SYNJ2: variants seen among roughly 807,000 people sequenced by gnomAD.
SYNJ2 encodes synaptojanin 2.
A neutral mutation model predicts 141.3 loss-of-function variants in SYNJ2; 116 were observed. That is an observed-to-expected ratio of 0.82 (90% CI 0.71 to 0.96). SYNJ2 has a LOEUF of 0.96. Ranked by LOEUF, SYNJ2 falls within the 40% of genes least tolerant of loss-of-function variation. SYNJ2 has a pLI of 0.00. For synonymous variants in SYNJ2, 745 were observed against 777.7 expected, an observed-to-expected ratio of 0.96 and a Z score of 0.70; for missense variants, 1,873 against 1,934.8, an observed-to-expected ratio of 0.97 and a Z score of 0.60.
At chr6:158,026,144 T>C (rs531077140) in intron 2 of SYNJ2, among the ~76,000 whole-genome samples, 2 of 152,310 alleles carry the variant, frequency 1.3e-5, no homozygotes, top group South Asian at 4.1e-4. Flanking sequence ...GTGATTCAGC[T>C]TCCCTGGGGG....
intron 2 of SYNJ2, among the ~76,000 whole-genome samples, chr6:158,021,255 A>T (rs964213744): frequency 3.3e-5 from 5 of 152,188 alleles, no homozygotes; most frequent in Non-Finnish European, 7.4e-5. Flanking sequence ...CGACAGCCCT[A>T]TAAATTCTCT....
chr6:157,984,074 G>C (rs182129704), intron 1 of SYNJ2, among the ~76,000 whole-genome samples: 48 of 152,272 alleles, frequency 3.2e-4, no homozygotes, highest in African/African-American at 1.2e-3. Context: ...GGGCTCAGGT[G>C]ATCTTTCCGC....
intron 6 of SYNJ2, 41 bp from the exon 7 acceptor site, chr6:158,059,216 T>A (rs1248039593): frequency 6.6e-7 from 1 of 1,509,798 alleles, no homozygotes; most frequent in Non-Finnish European, 8.9e-7. Flanking sequence ...TCTGCACCTG[T>A]GCCCGTGCCC....
At chr6:158,006,826 C>A (rs907331589) in intron 1 of SYNJ2, among the ~76,000 whole-genome samples, 3 of 152,162 alleles carry the variant, frequency 2.0e-5, no homozygotes, top group Admixed American at 2.0e-4. Flanking sequence ...GCGCATGCCA[C>A]CACACCCAGC....
At chr6:157,981,614 G>C (rs1054060635), upstream of SYNJ2, among the ~76,000 whole-genome samples, 1 of 151,956 alleles carries the variant, frequency 6.6e-6, no homozygotes, top group South Asian at 2.1e-4. The surrounding 1 kb of genome is among the most constrained non-coding windows in gnomAD (Gnocchi z 6.4). Context: ...CCCGCGCGGG[G>C]CATCCTCCTC....
chr6:158,058,916 GA>G (rs1781034050), intron 6 of SYNJ2, among the ~76,000 whole-genome samples: 1 of 152,236 alleles, frequency 6.6e-6, no homozygotes, highest in South Asian at 2.1e-4. Context: ...CTGGACAACA[GA>G]CTGAGATCCT....
intron 1 of SYNJ2, among the ~76,000 whole-genome samples, chr6:157,996,614 A>AT (rs1431639125): frequency 6.6e-6 from 1 of 152,154 alleles, no homozygotes; most frequent in Admixed American, 6.5e-5. Context: ...TCATGTTGAA[A>AT]TGTGATCCCC....
At chr6:158,047,805 A>AAAAAAAC (rs1780337766) in intron 5 of SYNJ2, among the ~76,000 whole-genome samples, 2 of 133,660 alleles carry the variant, frequency 1.5e-5, no homozygotes, top group South Asian at 2.5e-4. Flanking sequence ...AAAAAAAAAA[A>AAAAAAAC]CACACAGTAT....
intron 1 of SYNJ2, among the ~76,000 whole-genome samples, chr6:158,004,985 C>T (rs759323447): frequency 6.6e-6 from 1 of 152,128 alleles, no homozygotes; most frequent in Non-Finnish European, 1.5e-5. Flanking sequence ...CCATGCCACG[C>T]CCCTGACCCC....
chr6:158,003,642 T>C lies in SYNJ2; in HGVS notation c.128-13562T>C, dbSNP rs984907512. On this transcript the variant is annotated intron_variant, in intron 1 of 26. Transcript: ENST00000355585. ...CTGTGGGCCGGGCTTCGTTGGCATTTCCTTAAGGCGTGTTATTGTGGAAAA... is the reference window on the plus strand; with the variant it reads ...CTGTGGGCCGGGCTTCGTTGGCATTCCCTTAAGGCGTGTTATTGTGGAAAA... Among the ~76,000 whole-genome samples, 6 of 152,352 alleles carry C rather than the reference T, an allele frequency of 3.9e-5. No individual in the cohort carries two copies. In the East Asian group the frequency reaches 9.6e-4, roughly 24 times the overall value.
chr6:158,019,590 G>T (rs773136392), intron 2 of SYNJ2, among the ~76,000 whole-genome samples: 5 of 152,284 alleles, frequency 3.3e-5, no homozygotes, highest in Non-Finnish European at 7.4e-5. Context: ...CCTAGGCGAG[G>T]CCTCCTCCCT....
chr6:158,061,817 T>C lies in SYNJ2; in HGVS notation c.955-175T>C, dbSNP rs9457030. Among the ~76,000 whole-genome samples the C allele has an allele frequency of 7.4e-3, 1,133 of 152,328 alleles. 9 individuals carry two copies. Among genetic ancestry groups the C allele is most frequent in the South Asian group, 0.015 (71 of 4,830 alleles). ...GTGGGTTTTGTCCCCCCAGGGCCTTTGTCCTGTGCTTCCCTTTTGGGGTCA... is the reference window on the plus strand; with the variant it reads ...GTGGGTTTTGTCCCCCCAGGGCCTTCGTCCTGTGCTTCCCTTTTGGGGTCA... On this transcript the variant is annotated intron_variant, in intron 7 of 26. Coordinates refer to ENST00000355585, the MANE Select transcript of SYNJ2 (RefSeq NM_003898.4).
Position 158,096,472 on chromosome 6 carries a change from T to A in SYNJ2, c.*108T>A. ...TTAAAGGCACACTGGCCAAAACGTTTGTGCATCTGTCACTCTCGTGTAGTT... is the reference window on the plus strand; with the variant it reads ...TTAAAGGCACACTGGCCAAAACGTTAGTGCATCTGTCACTCTCGTGTAGTT... On this transcript the variant is annotated 3_prime_UTR_variant, in exon 27 of 27. Transcript: ENST00000355585. The A allele has an allele frequency of 7.7e-7, 1 of 1,295,308 alleles. No individual in the cohort carries two copies. Among genetic ancestry groups the A allele is most frequent in the Non-Finnish European group, 1.0e-6 (1 of 960,740 alleles). 80.2% of individuals were successfully genotyped at this position (1,295,308 alleles called of 1,614,324 possible). A position where few individuals can be genotyped will look rare whatever the true frequency, so the allele number is the denominator to read the frequency against.
Position 158,043,416 on chromosome 6 carries a change from C to G in SYNJ2, c.795+17C>G. On this transcript the variant is annotated intron_variant, in intron 5 of 26. Transcript: ENST00000355585. The surrounding 1 kb of genome is among the most constrained non-coding windows in gnomAD (Gnocchi z 4.0). ...GGGCTTCAGGTAGGTCATGAAAAAA[C>G]TTAAATGTCCCCTTGTGATGTTGTC... 6.3e-7 allele frequency: 1 copy of G among 1,596,148 alleles called. No individual in the cohort carries two copies.
chr6:158,043,316 A>T lies in SYNJ2; in HGVS notation c.712A>T (p.Met238Leu), dbSNP rs1388185166. 2 of 1,613,682 alleles carry T rather than the reference A, an allele frequency of 1.2e-6. No homozygotes were observed. Among genetic ancestry groups the T allele is most frequent in the Non-Finnish European group, 1.7e-6 (2 of 1,179,724 alleles). Residue 238 changes from methionine (M) to leucine (L), a missense_variant and splice_region_variant, in exon 5 of 27, where the codon ATG (methionine) becomes TTG (leucine). By Grantham distance (15) the Met-to-Leu change is conservative (BLOSUM62 2). Transcript: ENST00000355585. This position sits in a 1 kb window ranked among gnomAD's most constrained non-coding sequence, Gnocchi z 4.0. ...HVSNFVETEQ[M>L]IYMDDGVSSF... ...CCCTTTCTGTTTCCTTGTGCCGCAGATGATTTACATGGACGATGGAGTGTC... is the reference window on the plus strand; with the variant it reads ...CCCTTTCTGTTTCCTTGTGCCGCAGTTGATTTACATGGACGATGGAGTGTC...
rs200064551 is a variant in SYNJ2, at chr6:158,071,659, C to T, written c.1998C>T (p.Gly666=). Residue 666 remains glycine (G), a synonymous_variant, in exon 15 of 27, where the codon GGC becomes GGT. Transcript: ENST00000355585. The surrounding 1 kb of genome is among the most constrained non-coding windows in gnomAD (Gnocchi z 4.3). ...TGGGGGGCAAGGCGGGGAACAAGGG[C>T]GCCGTCGGCATCCGCTTCCAGTTCC... The part of the protein sequence containing the change: ...TGMGGKAGNK[G]AVGIRFQFHS... 159 of 1,614,118 alleles carry T rather than the reference C, an allele frequency of 9.9e-5. 1 individual carries two copies. In the East Asian group the frequency reaches 3.2e-3, roughly 32 times the overall value.
At chr6:158,053,959 T>C (rs1193842130) in intron 5 of SYNJ2, among the ~76,000 whole-genome samples, 1 of 147,024 alleles carries the variant, frequency 6.8e-6, no homozygotes, top group East Asian at 2.1e-4. Flanking sequence ...CACTGATCCA[T>C]CCATCCACCC....
At position 158,095,705 on chromosome 6, in the gene SYNJ2, G is replaced by A. The variant is rs199955411; in HGVS notation, c.3832G>A (p.Val1278Met). ...GACAAGCGTTGAGGCCCCTCCTGTC[G>A]TGACAGCCCCTCGAGTCCCTCCTGT... ...PETSVEAPPV[V>M]TAPRVPPVPK... The change falls in exon 27 of 27, where the codon GTG becomes ATG. Residue 1278 changes from valine (V) to methionine (M), a missense_variant. Val to Met is a conservative substitution (Grantham distance 21, BLOSUM62 1). Coordinates refer to ENST00000355585, the MANE Select transcript of SYNJ2 (RefSeq NM_003898.4). 787 of 1,614,144 alleles carry A rather than the reference G, an allele frequency of 4.9e-4. No homozygotes were observed. The highest frequency in any genetic ancestry group is 6.4e-4 in the Non-Finnish European group (751 of 1,180,032).
chr6:158,082,168 G>A (rs1451721705), intron 20 of SYNJ2, among the ~76,000 whole-genome samples: 1 of 152,146 alleles, frequency 6.6e-6, no homozygotes, highest in Non-Finnish European at 1.5e-5. Context: ...CCAACATGGC[G>A]AAATCCTGTC....
Sources: allele counts gnomAD v4.1 joint callset (sites outside exome capture counted in the v4.1 genomes callset), GRCh38; gene constraint gnomAD v4.1.1; non-coding constraint Gnocchi (gnomAD v3.1); transcripts MANE v1.5; gene names NCBI Gene and HGNC (gene_info 2026-07-23, HGNC 2026-07-21).